MGAT4C: variants seen among roughly 807,000 people sequenced by gnomAD.
MGAT4C encodes the protein MGAT4 family member C.
Under a neutral mutation model 40.1 loss-of-function variants are expected in MGAT4C, and 19 were observed. That is an observed-to-expected ratio of 0.47 (90% confidence interval 0.33 to 0.70). The LOEUF (loss-of-function observed/expected upper bound fraction) is 0.70, where lower values mean the gene tolerates loss of function less well. Among genes scored for constraint, MGAT4C ranks in the 30% least tolerant of loss-of-function variants. MGAT4C has a pLI of 0.02. For missense variants in MGAT4C, 491 were observed against 563.2 expected (o/e 0.87, Z 1.30); for synonymous variants, 181 against 187.1 (o/e 0.97, Z 0.27).
intron 3 of MGAT4C, among the ~76,000 whole-genome samples, chr12:86,406,668 G>A (rs1251478087): frequency 6.6e-6 from 1 of 151,790 alleles, no homozygotes; most frequent in Non-Finnish European, 1.5e-5. Context: ...TGCTGGTAAT[G>A]TAAAATGGTA....
chr12:86,714,815 AAAGAATTAAAGT>A (rs1950618392), intron 2 of MGAT4C, among the ~76,000 whole-genome samples: 1 of 151,864 alleles, frequency 6.6e-6, no homozygotes, highest in Non-Finnish European at 1.5e-5. Flanking sequence ...GGAAGGAAGG[AAAGAATTAAAGT>A]AGGAAGGAAG....
At chr12:85,989,727 T>G (rs1312386761) in intron 2 of MGAT4C, among the ~76,000 whole-genome samples, 175 bp from the exon 3 acceptor site, 1 of 152,024 alleles carries the variant, frequency 6.6e-6, no homozygotes, top group Non-Finnish European at 1.5e-5. Flanking sequence ...TATGTTAACA[T>G]AAGATCAATG....
chr12:86,407,601 A>T (rs1396673633), intron 3 of MGAT4C, among the ~76,000 whole-genome samples: 2 of 152,032 alleles, frequency 1.3e-5, no homozygotes, highest in Non-Finnish European at 2.9e-5. Flanking sequence ...AGGTTACTGG[A>T]GTAGAATATT....
chr12:86,430,469 G>C (rs1484915183), intron 3 of MGAT4C, among the ~76,000 whole-genome samples: 1 of 152,148 alleles, frequency 6.6e-6, no homozygotes, highest in Non-Finnish European at 1.5e-5. Context: ...GACATCCTTG[G>C]GGAGGCAGAG....
intron 2 of MGAT4C, among the ~76,000 whole-genome samples, chr12:86,482,166 T>C (rs1957949566): frequency 6.6e-6 from 1 of 151,618 alleles, no homozygotes; most frequent in African/African-American, 2.4e-5. Flanking sequence ...TACCAAAGTA[T>C]TCTTAGACCA....
intron 1 of MGAT4C, among the ~76,000 whole-genome samples, chr12:86,801,510 GT>G (rs1336279188): frequency 6.6e-6 from 1 of 151,788 alleles, no homozygotes; most frequent in Non-Finnish European, 1.5e-5. Flanking sequence ...TTCTGAGTTT[GT>G]TGAAGGCAGG....
At chr12:86,741,993 G>A (rs1342641902) in intron 1 of MGAT4C, among the ~76,000 whole-genome samples, 1 of 151,292 alleles carries the variant, frequency 6.6e-6, no homozygotes, top group East Asian at 1.9e-4. Context: ...CCTTTAACTT[G>A]TAAGGCTTAT....
intron 1 of MGAT4C, among the ~76,000 whole-genome samples, chr12:86,084,922 T>G (rs937777386): frequency 8.6e-5 from 13 of 151,946 alleles, no homozygotes; most frequent in Non-Finnish European, 1.2e-4. Flanking sequence ...CTGAGTAGAA[T>G]AGGTCACAGT....
intron 4 of MGAT4C, among the ~76,000 whole-genome samples, chr12:86,282,069 AT>A (rs1201244518): frequency 6.6e-6 from 1 of 152,022 alleles, no homozygotes; most frequent in Non-Finnish European, 1.5e-5. Context: ...GGCTTTTTAA[AT>A]TTTACTTTGC....
At chr12:86,759,938 T>C (rs572441079) in intron 1 of MGAT4C, among the ~76,000 whole-genome samples, 2 of 152,222 alleles carry the variant, frequency 1.3e-5, no homozygotes, top group East Asian at 1.9e-4. Flanking sequence ...TGGAATTCAA[T>C]GGAAGCACAA....
chr12:86,554,622 T>C (rs977769366), intron 2 of MGAT4C, among the ~76,000 whole-genome samples: 6 of 152,178 alleles, frequency 3.9e-5, no homozygotes, highest in African/African-American at 1.2e-4. Flanking sequence ...CATCAATACA[T>C]GTAGTTTCAA....
intron 3 of MGAT4C, among the ~76,000 whole-genome samples, chr12:86,349,790 T>C (rs1258621863): frequency 1.3e-5 from 2 of 152,164 alleles, no homozygotes; most frequent in Non-Finnish European, 2.9e-5. Flanking sequence ...ACTTGCTACA[T>C]ATCTACTGTG....
intron 1 of MGAT4C, among the ~76,000 whole-genome samples, chr12:86,124,426 C>T (rs933721155): frequency 5.9e-5 from 9 of 152,074 alleles, no homozygotes; most frequent in African/African-American, 1.9e-4. Flanking sequence ...AGATACATTT[C>T]GCATTCTAAG....
At chr12:86,131,663 G>A (rs1328556937) in intron 1 of MGAT4C, among the ~76,000 whole-genome samples, 2 of 151,658 alleles carry the variant, frequency 1.3e-5, no homozygotes, top group East Asian at 1.9e-4. Context: ...TTTATCTTAC[G>A]AGACCCTTAA....
At chr12:86,819,108 A>G (rs1952657701) in intron 1 of MGAT4C, among the ~76,000 whole-genome samples, 1 of 151,026 alleles carries the variant, frequency 6.6e-6, no homozygotes, top group African/African-American at 2.4e-5. Flanking sequence ...GTAAATGAGG[A>G]AATTGCATAT....
intron 1 of MGAT4C, among the ~76,000 whole-genome samples, chr12:86,140,538 T>C (rs1272160829): frequency 6.6e-6 from 1 of 151,954 alleles, no homozygotes; most frequent in Non-Finnish European, 1.5e-5. Context: ...GGGATAGCAT[T>C]AGGAGAAATA....
intron 1 of MGAT4C, among the ~76,000 whole-genome samples, chr12:86,175,006 A>G (rs2135844514): frequency 6.6e-6 from 1 of 152,258 alleles, no homozygotes; most frequent in African/African-American, 2.4e-5. Flanking sequence ...TGCCATGTAT[A>G]GCATAAATTT....
chr12:86,603,551 A>ACT (rs1427435197), intron 2 of MGAT4C, among the ~76,000 whole-genome samples: 1 of 4,228 alleles, frequency 2.4e-4, no homozygotes, highest in Non-Finnish European at 1.6e-3. Context: ...GACTATAGAT[A>ACT]ATATATAGTC....
At chr12:86,236,998 A>G (rs1028325159) in intron 1 of MGAT4C, among the ~76,000 whole-genome samples, 2 of 150,448 alleles carry the variant, frequency 1.3e-5, no homozygotes, top group Admixed American at 1.3e-4. Context: ...ATATATAAAT[A>G]TATGTTAATA....
Sources: allele counts gnomAD v4.1 joint callset (sites outside exome capture counted in the v4.1 genomes callset), GRCh38; gene constraint gnomAD v4.1.1; transcripts MANE v1.5; gene names NCBI Gene and HGNC (gene_info 2026-07-23, HGNC 2026-07-21).